DMD: variants seen among roughly 807,000 people sequenced by gnomAD.
DMD encodes mutant dystrophin.
Under a neutral mutation model 330.1 loss-of-function variants are expected in DMD, and 63 were observed. That is an observed-to-expected ratio of 0.19 (90% confidence interval 0.16 to 0.24). The LOEUF is 0.24. Among genes scored for constraint, DMD ranks in the 10% least tolerant of loss-of-function variants. The probability of loss-of-function intolerance (pLI) is 1.00; values close to 1 mark genes in which losing one functional copy is unlikely to be tolerated. For synonymous variants in DMD, 1,223 were observed against 959.8 expected (o/e 1.27, Z -5.07); for missense variants, 3,344 against 2,684.1 (o/e 1.25, Z -5.43).
At chrX:32,149,747 T>C (rs190315370) in intron 44 of DMD, among the ~76,000 whole-genome samples, 1 of 111,556 alleles carries the variant, frequency 9.0e-6, no homozygotes, top group East Asian at 2.8e-4. Context: ...TTTTAGAGAA[T>C]ATCTTAGTTT....
chrX:33,150,999 T>C (rs749386609), intron 1 of DMD, among the ~76,000 whole-genome samples: 1 of 111,989 alleles, frequency 8.9e-6, no homozygotes, highest in African/African-American at 3.2e-5. Flanking sequence ...TAAAACTATA[T>C]ACCAGACTAT....
At chrX:31,909,606 C>A (rs1444025922) in intron 47 of DMD, among the ~76,000 whole-genome samples, 1 of 110,369 alleles carries the variant, frequency 9.1e-6, no homozygotes, top group African/African-American at 3.3e-5. Flanking sequence ...TTTTCTGTCA[C>A]TTACAGCATT....
chrX:31,519,414 T>C (rs1011857728), intron 55 of DMD, among the ~76,000 whole-genome samples: 2 of 112,301 alleles, frequency 1.8e-5, no homozygotes, highest in African/African-American at 6.5e-5. Flanking sequence ...CAAAGTGCCA[T>C]AATTATTTTT....
chrX:32,918,468 A>G (rs1480609643), intron 2 of DMD, among the ~76,000 whole-genome samples: 3 of 110,753 alleles, frequency 2.7e-5, no homozygotes, highest in Non-Finnish European at 5.7e-5. Flanking sequence ...CTCCCACCTC[A>G]GCCTCCCAAG....
chrX:31,790,842 C>T (rs770099755), intron 50 of DMD, among the ~76,000 whole-genome samples: 26 of 111,482 alleles, frequency 2.3e-4, no homozygotes, highest in Non-Finnish European at 4.3e-4. Flanking sequence ...TGTTACGTCT[C>T]TATATAATAA....
At chrX:33,284,556 C>T (rs1213525710) in intron 1 of DMD, among the ~76,000 whole-genome samples, 1 of 107,164 alleles carries the variant, frequency 9.3e-6, no homozygotes, top group African/African-American at 3.4e-5. Flanking sequence ...CTTACACAAA[C>T]CTTCATAATG....
chrX:32,050,457 CAA>C (rs2096100939), intron 44 of DMD, among the ~76,000 whole-genome samples: 1 of 111,576 alleles, frequency 9.0e-6, no homozygotes, highest in African/African-American at 3.2e-5. Flanking sequence ...TTATCTATAT[CAA>C]AGTTACCTAT....
chrX:32,149,276 A>G (rs1252932595), intron 44 of DMD, among the ~76,000 whole-genome samples: 1 of 111,709 alleles, frequency 9.0e-6, no homozygotes, highest in Non-Finnish European at 1.9e-5. Context: ...TCAAGTTTCA[A>G]TGCCTATACC....
chrX:33,009,564 G>A lies in DMD; in HGVS notation c.93+10575C>T, dbSNP rs182207922. 7.8e-3 allele frequency among the ~76,000 whole-genome samples: 296 copies of A among 38,096 alleles called. 55 individuals are homozygous for A. The highest frequency in any genetic ancestry group is 0.026 in the African/African-American group (270 of 10,283). The allele number at this position is 38,096 out of a possible 115,157, so 33.1% of individuals were successfully genotyped here. A position where few individuals can be genotyped will look rare whatever the true frequency, so the allele number is the denominator to read the frequency against. On this transcript the variant is annotated intron_variant, in intron 2 of 78. Transcript: ENST00000357033. ...TATATACACATATGTGTGTATGTGT[G>A]TATGTGTATATACACATATGTGTGT...
At chrX:31,293,218 T>TGGTCTGGTTTA (rs1569519894) in intron 62 of DMD, among the ~76,000 whole-genome samples, 1 of 95,879 alleles carries the variant, frequency 1.0e-5, no homozygotes, top group African/African-American at 4.4e-5. Context: ...TGTGTGTGTG[T>TGGTCTGGTTTA]GTGTGTGTGT....
intron 67 of DMD, 137 bp from the exon 68 acceptor site, chrX:31,183,041 C>A: frequency 1.8e-6 from 1 of 570,372 alleles, no homozygotes; most frequent in Non-Finnish European, 2.7e-6. Flanking sequence ...CAAAGCTAGG[C>A]TGGCTTTTCA....
intron 76 of DMD, among the ~76,000 whole-genome samples, chrX:31,142,180 C>G (rs1342136522): frequency 9.0e-6 from 1 of 111,609 alleles, no homozygotes; most frequent in African/African-American, 3.3e-5. Context: ...AATTTAAATT[C>G]TACATTATAT....
chrX:31,230,067 T>A (rs147930437), intron 63 of DMD, among the ~76,000 whole-genome samples: 1,792 of 112,216 alleles, frequency 0.016, 14 homozygotes, highest in Non-Finnish European at 0.023. Context: ...TTTAAAGAAT[T>A]AGCTGAGAGA....
At chrX:32,553,369 C>T (rs898127630) in intron 16 of DMD, among the ~76,000 whole-genome samples, 5 of 110,696 alleles carry the variant, frequency 4.5e-5, no homozygotes, top group South Asian at 3.8e-4. Context: ...TGAGAACACA[C>T]GGACTCAAAG....
chrX:32,631,840 G>A (rs988241176), intron 11 of DMD, among the ~76,000 whole-genome samples: 1 of 111,317 alleles, frequency 9.0e-6, no homozygotes, highest in Non-Finnish European at 1.9e-5. Flanking sequence ...ACCTCTGACA[G>A]TGAGGATTGT....
chrX:31,819,879 T>G (rs1201468397), intron 50 of DMD, 96 bp downstream of exon 50: 2 of 706,181 alleles, frequency 2.8e-6, no homozygotes, highest in African/African-American at 4.2e-5. Flanking sequence ...ATCTTTAGAA[T>G]TGAAACAAAT....
chrX:32,430,595 T>C (rs893126435), intron 29 of DMD, among the ~76,000 whole-genome samples: 11 of 111,878 alleles, frequency 9.8e-5, no homozygotes, highest in African/African-American at 3.2e-4. Flanking sequence ...TCTATCCTCT[T>C]AGCAAAGTTT....
chrX:31,660,305 C>T (rs1057401308), intron 53 of DMD, among the ~76,000 whole-genome samples: 2 of 112,086 alleles, frequency 1.8e-5, no homozygotes, highest in Non-Finnish European at 3.8e-5. Context: ...TTCAGATCCT[C>T]GCACTATTTG....
intron 66 of DMD, 53 bp from the exon 67 acceptor site, chrX:31,204,171 C>T: frequency 9.2e-7 from 1 of 1,092,323 alleles, no homozygotes; most frequent in Non-Finnish European, 1.3e-6. Context: ...CCATGGATGC[C>T]AGCAGAACCT....
Sources: allele counts gnomAD v4.1 joint callset (sites outside exome capture counted in the v4.1 genomes callset), GRCh38; gene constraint gnomAD v4.1.1; transcripts MANE v1.5; gene names NCBI Gene and HGNC (gene_info 2026-07-23, HGNC 2026-07-21).